The following FLT1 variants were observed in gnomAD, a reference collection of about 807,000 sequenced individuals.
FLT1 encodes the protein vascular endothelial growth factor receptor 1.
FLT1 carries 49 observed loss-of-function variants against 156.3 expected under a neutral mutation model. That is an observed-to-expected ratio of 0.31 (90% CI 0.25 to 0.40). The LOEUF is 0.40. Ranked by LOEUF, FLT1 falls within the 10% of genes least tolerant of loss-of-function variation. The pLI, the probability that FLT1 is intolerant of heterozygous loss-of-function variation, is 1.00. For synonymous variants in FLT1, 594 were observed against 583.8 expected (o/e 1.02, Z -0.25); for missense variants, 1,322 against 1,637.2 (o/e 0.81, Z 3.32).
chr13:28,387,844 TA>T (rs995154295), intron 13 of FLT1: 2 of 1,040,334 alleles, frequency 1.9e-6, no homozygotes, highest in African/African-American at 3.4e-5. Context: ...AAGGATTAAT[TA>T]CACAGTGAAC....
At chr13:28,318,822 C>T (rs1156270371) in intron 24 of FLT1, among the ~76,000 whole-genome samples, 1 of 152,164 alleles carries the variant, frequency 6.6e-6, no homozygotes, top group Non-Finnish European at 1.5e-5. Flanking sequence ...GCTCTGCACG[C>T]ATCTGTGTGC....
chr13:28,357,580 T>C lies in FLT1; in HGVS notation c.2222A>G (p.Glu741Gly). Residue 741 changes from glutamate to glycine, a missense_variant, in exon 15 of 30, where the codon GAA becomes GGA. By Grantham distance (98) the Glu-to-Gly change is moderately conservative (BLOSUM62 -2). This residue lies in a region of FLT1 where 991 missense variants were observed against 1,254.8 expected (regional missense o/e 0.79). Transcript: ENST00000282397. ...CKATNQKGSV[E>G]SSAYLTVQGT... The stretch of plus-strand genomic sequence containing the variant: ...TTGAACAGTGAGGTATGCTGAACTT[T>C]CCACAGAGCCCTTCTGGTTGGTGGC... 5 of 1,614,170 alleles carry C rather than the reference T, an allele frequency of 3.1e-6. No individual in the cohort carries two copies. The highest frequency in any genetic ancestry group is 4.2e-6 in the Non-Finnish European group (5 of 1,180,000).
intron 7 of FLT1, 113 bp downstream of exon 7, chr13:28,431,023 C>A: frequency 1.1e-6 from 1 of 935,512 alleles, no homozygotes; most frequent in Non-Finnish European, 1.7e-6. Flanking sequence ...AAGCTGTATT[C>A]ATTCATGATA....
At chr13:28,343,767 C>T (rs1448293426) in intron 16 of FLT1, among the ~76,000 whole-genome samples, 1 of 151,788 alleles carries the variant, frequency 6.6e-6, no homozygotes, top group African/African-American at 2.4e-5. Context: ...CTCAGCCTCC[C>T]GAGTAGCTGG....
intron 11 of FLT1, chr13:28,399,026 G>T (rs1033639119): frequency 2.6e-6 from 4 of 1,522,616 alleles, no homozygotes; most frequent in East Asian, 2.5e-5. Flanking sequence ...TGTAATTGTT[G>T]TACCCACCCG....
intron 17 of FLT1, among the ~76,000 whole-genome samples, chr13:28,335,770 C>T (rs971741154): frequency 6.6e-6 from 1 of 152,210 alleles, no homozygotes; most frequent in African/African-American, 2.4e-5. Context: ...GAGCATGCAA[C>T]ACGGGCAGAG....
At chr13:28,364,346 G>C (rs1357271641) in intron 14 of FLT1, among the ~76,000 whole-genome samples, 1 of 152,168 alleles carries the variant, frequency 6.6e-6, no homozygotes, top group Admixed American at 6.5e-5. Context: ...CTGAGTAGTT[G>C]GGATTATAGG....
At chr13:28,332,688 C>T (rs1032306828) in intron 18 of FLT1, among the ~76,000 whole-genome samples, 1 of 152,182 alleles carries the variant, frequency 6.6e-6, no homozygotes, top group Non-Finnish European at 1.5e-5. Flanking sequence ...GCTGTGTGGC[C>T]TTGCAGAGGC....
intron 8 of FLT1, among the ~76,000 whole-genome samples, chr13:28,428,158 AG>A (rs1877459700): frequency 6.6e-6 from 1 of 152,198 alleles, no homozygotes; most frequent in Non-Finnish European, 1.5e-5. Context: ...AAGATAGAAA[AG>A]CAGTAGCTTA....
chr13:28,402,785 T>C lies in FLT1; in HGVS notation c.1551+2995A>G, dbSNP rs543705896. On this transcript the variant is annotated intron_variant, in intron 11 of 29. Transcript: ENST00000282397. ...TGTTACTTTACGTTACGTTACGTTA[T>C]GTTATTTATTTATTTACTTTTTGAG... is the stretch of plus-strand genomic sequence containing the variant. Among the ~76,000 whole-genome samples, 8 of 152,236 alleles carry C rather than the reference T, an allele frequency of 5.3e-5. No individual in the cohort carries two copies. The South Asian group carries it at 1.7e-3, about 32-fold the overall frequency.
intron 1 of FLT1, among the ~76,000 whole-genome samples, chr13:28,471,130 A>G (rs1880155120): frequency 6.6e-6 from 1 of 152,230 alleles, no homozygotes; most frequent in South Asian, 2.1e-4. Flanking sequence ...TTATTCTAAA[A>G]AAAAGCGTTG....
intron 3 of FLT1, among the ~76,000 whole-genome samples, chr13:28,451,047 A>G (rs966674953): frequency 6.6e-6 from 1 of 152,210 alleles, no homozygotes; most frequent in Non-Finnish European, 1.5e-5. Flanking sequence ...CGCGGAAACC[A>G]AGCTTCAGTC....
intron 16 of FLT1, among the ~76,000 whole-genome samples, chr13:28,340,002 G>A (rs551925161): frequency 2.6e-5 from 4 of 152,254 alleles, no homozygotes; most frequent in African/African-American, 9.6e-5. Context: ...ATCACCTGAG[G>A]TTAGGAGTTC....
At chr13:28,404,215 C>T (rs1875645299) in intron 11 of FLT1, among the ~76,000 whole-genome samples, 1 of 152,182 alleles carries the variant, frequency 6.6e-6, no homozygotes, top group Non-Finnish European at 1.5e-5. Flanking sequence ...CCACCTACAG[C>T]TACTGCTATA....
intron 3 of FLT1, among the ~76,000 whole-genome samples, chr13:28,440,849 A>G (rs1365490809): frequency 1.3e-5 from 2 of 152,268 alleles, no homozygotes; most frequent in Admixed American, 1.3e-4. Flanking sequence ...TCTTATTATT[A>G]TTATGACTCA....
intron 3 of FLT1, among the ~76,000 whole-genome samples, chr13:28,450,158 CCA>C (rs1422796999): frequency 5.3e-5 from 8 of 152,194 alleles, no homozygotes; most frequent in African/African-American, 1.4e-4. Context: ...TCCCTGGACT[CCA>C]GTCCTCAGAG....
At chr13:28,369,311 G>A (rs1405393510) in intron 14 of FLT1, among the ~76,000 whole-genome samples, 1 of 152,160 alleles carries the variant, frequency 6.6e-6, no homozygotes, top group African/African-American at 2.4e-5. Flanking sequence ...GATCACCTGA[G>A]GTCAGGAATT....
chr13:28,348,249 A>C (rs1188862781), intron 15 of FLT1, among the ~76,000 whole-genome samples: 1 of 152,188 alleles, frequency 6.6e-6, no homozygotes, highest in Non-Finnish European at 1.5e-5. Context: ...CTGCAGCCAG[A>C]GTGATCTTGC....
intron 13 of FLT1, chr13:28,388,863 G>A: frequency 9.4e-7 from 1 of 1,063,064 alleles, no homozygotes. Flanking sequence ...CCAGAGGACA[G>A]GAATATTTAA....
Sources: allele counts gnomAD v4.1 joint callset (sites outside exome capture counted in the v4.1 genomes callset), GRCh38; gene constraint gnomAD v4.1.1; regional missense constraint gnomAD v4.1.1; transcripts MANE v1.5; gene names NCBI Gene and HGNC (gene_info 2026-07-23, HGNC 2026-07-21).